The following FREM1 variants were observed in gnomAD, a reference collection of about 807,000 sequenced individuals.
FREM1 encodes the protein FRAS1-related extracellular matrix protein 1.
In FREM1, 220 loss-of-function variants were observed where a neutral mutation model predicts 210.1. The ratio of observed to expected loss-of-function variants is 1.05; its 90% CI spans 0.94 to 1.17. The LOEUF (loss-of-function observed/expected upper bound fraction) is 1.17, where lower values mean the gene tolerates loss of function less well. Among genes scored for constraint, FREM1 ranks in the 50% most tolerant of loss-of-function variants. FREM1 has a pLI of 0.00. For missense variants in FREM1, 3,454 were observed against 2,675.5 expected (o/e 1.29, Z -6.42); for synonymous variants, 1,189 against 980.2 (o/e 1.21, Z -3.98).
intron 29 of FREM1, among the ~76,000 whole-genome samples, chr9:14,755,385 T>C (rs1844144004): frequency 6.6e-6 from 1 of 152,224 alleles, no homozygotes; most frequent in Admixed American, 6.5e-5. Flanking sequence ...ATGTCAATAG[T>C]TCACACTTAG....
At chr9:14,767,749 T>C (rs557425014) in intron 27 of FREM1, among the ~76,000 whole-genome samples, 21 of 152,202 alleles carry the variant, frequency 1.4e-4, no homozygotes, top group African/African-American at 5.1e-4. Context: ...CGTTCAAAAA[T>C]GATGATGATA....
chr9:14,866,962 C>T (rs988911945), intron 2 of FREM1, among the ~76,000 whole-genome samples: 2 of 151,964 alleles, frequency 1.3e-5, no homozygotes, highest in Admixed American at 6.6e-5. Flanking sequence ...CGGGTTCAAG[C>T]GATTCTTGTG....
rs77607788 is a variant in FREM1, at chr9:14,907,143, G to A, written c.-268+2771C>T. Among the ~76,000 whole-genome samples, 755 of 152,270 alleles carry A rather than the reference G, an allele frequency of 5.0e-3. 3 individuals carry two copies. The highest frequency in any genetic ancestry group is 7.7e-3 in the Non-Finnish European group (527 of 68,028). Reference sequence around the variant, plus strand: ...GTTTAAAAATATTCTAACTTAGCAAGATCCCTGTCCTCCAGTCAATAGTTT... The same window carrying A: ...GTTTAAAAATATTCTAACTTAGCAAAATCCCTGTCCTCCAGTCAATAGTTT... On this transcript the variant is annotated intron_variant, in intron 1 of 36. Transcript: ENST00000380880.
At chr9:14,741,156 T>A (rs1474165820) in intron 35 of FREM1, among the ~76,000 whole-genome samples, 1 of 152,100 alleles carries the variant, frequency 6.6e-6, no homozygotes, top group Admixed American at 6.5e-5. Flanking sequence ...AAAAATTAAA[T>A]CACCATGATC....
rs1831030471 is a variant in FREM1 at position 14,863,874 on chromosome 9, T to C, written c.264A>G (p.Glu88=). The C allele has an allele frequency of 6.2e-7, 1 of 1,612,808 alleles. No individual in the cohort carries two copies. Among genetic ancestry groups the C allele is most frequent in the African/African-American group, 1.3e-5 (1 of 74,870 alleles). Residue 88 remains glutamate, a synonymous_variant, in exon 3 of 37, where the codon GAA becomes GAG. Transcript: ENST00000380880. ...QVFDCHFLPN[E]VKYVHNGCPI... ...GACAACCATTGTGAACATACTTGAC[T>C]TCGTTGGGAAGGAAATGGCAGTCAA...
intron 20 of FREM1, among the ~76,000 whole-genome samples, chr9:14,800,158 A>T (rs895783773): frequency 6.6e-6 from 1 of 152,136 alleles, no homozygotes; most frequent in African/African-American, 2.4e-5. Flanking sequence ...ACAAATAACT[A>T]AAAGAAGTTG....
intron 22 of FREM1, among the ~76,000 whole-genome samples, chr9:14,790,248 GTCC>G (rs1183098656): frequency 6.6e-6 from 1 of 152,006 alleles, no homozygotes; most frequent in East Asian, 1.9e-4. Context: ...AAAGAGCTTT[GTCC>G]TCCTCTCTTG....
intron 1 of FREM1, among the ~76,000 whole-genome samples, chr9:14,903,982 C>A (rs984808639): frequency 1.2e-4 from 18 of 151,952 alleles, no homozygotes; most frequent in Admixed American, 1.0e-3. Flanking sequence ...ATTAGCTGGG[C>A]GTGGTGGCAG....
chr9:14,800,900 T>C (rs1439658076), intron 20 of FREM1, among the ~76,000 whole-genome samples: 1 of 152,216 alleles, frequency 6.6e-6, no homozygotes, highest in Non-Finnish European at 1.5e-5. Context: ...AAATTTTTAT[T>C]TTTTAATTGG....
chr9:14,889,972 A>T (rs1294306848), intron 1 of FREM1, among the ~76,000 whole-genome samples: 1 of 152,114 alleles, frequency 6.6e-6, no homozygotes, highest in Non-Finnish European at 1.5e-5. Context: ...GAGGGTGGTA[A>T]ACTGGGGGAA....
At chr9:14,841,710 T>C (rs182813513) in intron 9 of FREM1, 121 bp from the exon 10 acceptor site, 29 of 617,172 alleles carry the variant, frequency 4.7e-5, no homozygotes, top group African/African-American at 3.2e-4. Flanking sequence ...ACCCAAGGAA[T>C]CTGCATTAAA....
At chr9:14,823,696 T>C (rs1218209780) in intron 12 of FREM1, among the ~76,000 whole-genome samples, 1 of 152,172 alleles carries the variant, frequency 6.6e-6, no homozygotes, top group African/African-American at 2.4e-5. Context: ...CCTTGGAAAC[T>C]AATACAGTAA....
chr9:14,796,002 C>T (rs1467067525), intron 21 of FREM1, among the ~76,000 whole-genome samples: 5 of 152,126 alleles, frequency 3.3e-5, no homozygotes, highest in Non-Finnish European at 7.3e-5. Context: ...CTATACTAAT[C>T]CAACATATTA....
At chr9:14,780,448 A>G (rs897379870) in intron 24 of FREM1, among the ~76,000 whole-genome samples, 1 of 151,310 alleles carries the variant, frequency 6.6e-6, no homozygotes, top group East Asian at 1.9e-4. Context: ...AAAAAAAAAA[A>G]AAGTCCAGCC....
At position 14,789,056 on chromosome 9, in the gene FREM1, T is replaced by A; in HGVS notation, c.4040A>T (p.Asp1347Val). The stretch of plus-strand genomic sequence containing the variant: ...GTGTGTGTATCTCAGCAAGTTCAGA[T>A]CCACTTCCTCCTGAGTGCATTTCAT... ...PGMKCTQEEV[D>V]LNLLRYTHTG... The change falls in exon 23 of 37, where the codon GAT becomes GTT. Residue 1347 changes from aspartate to valine, a missense_variant. Physicochemically the swap from Asp to Val is radical, Grantham distance 152 (BLOSUM62 -3). Coordinates refer to ENST00000380880, the MANE Select transcript of FREM1 (RefSeq NM_001379081.2). 1.2e-6 allele frequency: 2 copies of A among 1,608,426 alleles called. No individual in the cohort carries two copies. The highest frequency in any genetic ancestry group is 2.2e-5 in the South Asian group (2 of 89,600).
Position 14,857,760 on chromosome 9 carries a change from C to T in FREM1, c.632-11G>A, listed in dbSNP as rs201052612. On this transcript the variant is annotated splice_polypyrimidine_tract_variant and intron_variant, in intron 4 of 36. Transcript: ENST00000380880. ...GTTTTGCTCTCAGTTCTAGAATGTA[C>T]AGCACTGGATTAAGAGAGTCACTTA... 27 of 1,575,318 alleles carry T rather than the reference C, an allele frequency of 1.7e-5. No individual in the cohort carries two copies. The Admixed American group carries it at 4.8e-4, about 28-fold the overall frequency.
intron 8 of FREM1, among the ~76,000 whole-genome samples, chr9:14,844,759 TAAA>T (rs1826288889): frequency 6.6e-6 from 1 of 152,240 alleles, no homozygotes; most frequent in Non-Finnish European, 1.5e-5. Context: ...CATAGTTTGA[TAAA>T]GAAATCTAAG....
At chr9:14,808,623 G>A (rs1209836416) in intron 16 of FREM1, among the ~76,000 whole-genome samples, 2 of 152,162 alleles carry the variant, frequency 1.3e-5, no homozygotes, top group Non-Finnish European at 2.9e-5. Context: ...AAATACAAAA[G>A]TAGGCCACAT....
intron 20 of FREM1, among the ~76,000 whole-genome samples, chr9:14,801,042 A>G (rs1289414768): frequency 1.3e-5 from 2 of 152,026 alleles, no homozygotes; most frequent in African/African-American, 4.8e-5. Context: ...CCAGGCTGGA[A>G]GTCTGGAGTG....
Sources: gnomAD v4.1 joint callset for allele counts (sites outside exome capture counted in the v4.1 genomes callset) on GRCh38, gnomAD v4.1.1 for gene constraint, MANE v1.5 for transcripts, NCBI Gene and HGNC (gene_info 2026-07-23, HGNC 2026-07-21) for gene names.